ANPEP: variants seen among roughly 807,000 people sequenced by gnomAD.
ANPEP encodes the protein alanyl aminopeptidase, membrane.
In ANPEP, 70 loss-of-function variants were observed where a neutral mutation model predicts 114.6. The observed-to-expected ratio is 0.61, with a 90% CI of 0.50 to 0.75. The LOEUF (loss-of-function observed/expected upper bound fraction) is 0.75. Among genes scored for constraint, ANPEP ranks in the 30% least tolerant of loss-of-function variants. The pLI is 0.00. For synonymous variants in ANPEP, 548 were observed against 522.3 expected, an observed-to-expected ratio of 1.05 and a Z score of -0.67; for missense variants, 1,184 against 1,259.5, an observed-to-expected ratio of 0.94 and a Z score of 0.91.
At chr15:89,794,084 G>A (rs562756143) in intron 15 of ANPEP, among the ~76,000 whole-genome samples, 1 of 152,218 alleles carries the variant, frequency 6.6e-6, no homozygotes. Flanking sequence ...GCTGGGACGC[G>A]CAGAAAGGGA....
Position 89,791,107 on chromosome 15 carries a change from A to G in ANPEP, c.2529-14T>C. On this transcript the variant is annotated splice_polypyrimidine_tract_variant and intron_variant, in intron 18 of 20. Transcript: ENST00000300060. ...TAGCTCAGGTACCTAAGAGGGCCAGATGCTGTCTCAGCTACTGCTAATTCA... is the reference window on the plus strand; with the variant it reads ...TAGCTCAGGTACCTAAGAGGGCCAGGTGCTGTCTCAGCTACTGCTAATTCA... The G allele has an allele frequency of 1.9e-6, 3 of 1,613,584 alleles. No individual in the cohort carries two copies. The highest frequency in any genetic ancestry group is 2.5e-6 in the Non-Finnish European group (3 of 1,179,590).
At position 89,792,441 on chromosome 15, in the gene ANPEP, G is replaced by A; in HGVS notation, c.2360+11C>T. 2 of 1,613,816 alleles carry A rather than the reference G, an allele frequency of 1.2e-6. No individual in the cohort carries two copies. The highest frequency in any genetic ancestry group is 2.2e-5 in the South Asian group (2 of 91,082). On this transcript the variant is annotated intron_variant, in intron 17 of 20. Transcript: ENST00000300060. Reference sequence around the variant, plus strand: ...GAAGACTGGCAGAGGAGGCGCAGGGGAGACACTCACGGGTTATTATTGGGG... The same window carrying A: ...GAAGACTGGCAGAGGAGGCGCAGGGAAGACACTCACGGGTTATTATTGGGG...
At position 89,806,046 on chromosome 15, in the gene ANPEP, T is replaced by C. The variant is rs774971029; in HGVS notation, c.538A>G (p.Ser180Gly). ...LVKDSQYEMD[S>G]EFEGELADDL... Reference sequence around the variant, plus strand: ...TCTGCCAACTCCCCCTCGAACTCGCTGTCCATCTCATACTGGCTGTCCTTC... The same window carrying C: ...TCTGCCAACTCCCCCTCGAACTCGCCGTCCATCTCATACTGGCTGTCCTTC... The change falls in exon 2 of 21, where the codon AGC becomes GGC. Residue 180 changes from serine (S) to glycine (G), a missense_variant. Ser to Gly is a moderately conservative substitution (Grantham distance 56). Transcript: ENST00000300060. The surrounding 1 kb of genome is among the most constrained non-coding windows in gnomAD (Gnocchi z 5.7). 1.9e-6 allele frequency: 3 copies of C among 1,612,764 alleles called. No homozygotes were observed. The highest frequency in any genetic ancestry group is 2.2e-5 in the East Asian group (1 of 44,836).
chr15:89,803,133 C>T lies in ANPEP; in HGVS notation c.1569+106G>A. On this transcript the variant is annotated intron_variant, in intron 10 of 20. Coordinates refer to ENST00000300060, the MANE Select transcript of ANPEP (RefSeq NM_001150.3). The surrounding 1 kb of genome is among the most constrained non-coding windows in gnomAD (Gnocchi z 4.2). ...GCTCCATCCACCCTGCAGGGCTGGT[C>T]AGCCGCGGAGCTGGACCCATTCTCT... 7.7e-7 allele frequency: 1 copy of T among 1,304,330 alleles called. No homozygotes were observed. Among genetic ancestry groups the T allele is most frequent in the Non-Finnish European group, 1.1e-6 (1 of 904,244 alleles). The allele number at this position is 1,304,330 out of a possible 1,614,324, so 80.8% of individuals were successfully genotyped here.
chr15:89,790,988 G>A lies in ANPEP; in HGVS notation c.2634C>T (p.Asp878=). The change falls in exon 19 of 21, where the codon GAC becomes GAT. Residue 878 remains aspartate (D), a synonymous_variant. Transcript: ENST00000300060. The part of the protein sequence containing the change: ...NNVIGQGLVW[D]FVQSNWKKLF... ...GCTTCTTCCAGTTGCTCTGGACAAA[G>A]TCCCAGACCAGACCTTGCCCAATGA... 1 of 1,614,226 alleles carries A rather than the reference G, an allele frequency of 6.2e-7. No individual in the cohort carries two copies. The highest frequency in any genetic ancestry group is 8.5e-7 in the Non-Finnish European group (1 of 1,180,034).
chr15:89,804,071 TC>T, intron 6 of ANPEP, 69 bp from the exon 7 acceptor site: 1 of 1,574,492 alleles, frequency 6.4e-7, no homozygotes, highest in Non-Finnish European at 8.7e-7. Flanking sequence ...AGAACTACCC[TC>T]CCCAGGGCTG....
intron 1 of ANPEP, among the ~76,000 whole-genome samples, chr15:89,812,466 A>C (rs754959151): frequency 6.6e-6 from 1 of 152,156 alleles, no homozygotes; most frequent in Non-Finnish European, 1.5e-5. Context: ...GGAGCCTTGG[A>C]CATTGCCCCT....
At chr15:89,808,743 G>A (rs1374519757) in intron 1 of ANPEP, among the ~76,000 whole-genome samples, 3 of 152,264 alleles carry the variant, frequency 2.0e-5, no homozygotes, top group East Asian at 3.9e-4. Flanking sequence ...TGCTCCCTGA[G>A]GGCCTCACTC....
rs1003754453 is a variant in ANPEP, at chr15:89,806,691, T to C, written c.-108A>G. The C allele has an allele frequency of 6.3e-6, 9 of 1,439,822 alleles. No homozygotes were observed. The highest frequency in any genetic ancestry group is 8.2e-6 in the Non-Finnish European group (9 of 1,097,292). The allele number at this position is 1,439,822 out of a possible 1,614,324, so 89.2% of individuals were successfully genotyped here. On this transcript the variant is annotated 5_prime_UTR_variant, in exon 2 of 21. Transcript: ENST00000300060. This position sits in a 1 kb window ranked among gnomAD's most constrained non-coding sequence, Gnocchi z 5.7. Reference sequence around the variant, plus strand: ...GGGAGGAGCCCCACAACAGGCAGACTGGGCAAAAATTAACCAGGGCTCCAA... The same window carrying C: ...GGGAGGAGCCCCACAACAGGCAGACCGGGCAAAAATTAACCAGGGCTCCAA...
chr15:89,790,931 G>C (rs1306389688), intron 19 of ANPEP, 22 bp downstream of exon 19: 1 of 1,612,428 alleles, frequency 6.2e-7, no homozygotes, highest in East Asian at 2.2e-5. Context: ...CGCTGTCCCT[G>C]ACACCCATTC....
intron 12 of ANPEP, among the ~76,000 whole-genome samples, chr15:89,800,609 TG>T (rs1894568785): frequency 6.7e-6 from 1 of 149,130 alleles, no homozygotes; most frequent in Non-Finnish European, 1.5e-5. Context: ...TTGCCCAGGC[TG>T]GAGTGCAATG....
At chr15:89,792,913 T>C (rs1968660178) in intron 16 of ANPEP, 122 bp downstream of exon 16, 1 of 865,274 alleles carries the variant, frequency 1.2e-6, no homozygotes, top group African/African-American at 1.7e-5. Flanking sequence ...TGCTCCTGGG[T>C]GGGGGTCTCT....
At chr15:89,796,434 A>G (rs1351969356) in intron 15 of ANPEP, among the ~76,000 whole-genome samples, 1 of 152,148 alleles carries the variant, frequency 6.6e-6, no homozygotes, top group African/African-American at 2.4e-5. Flanking sequence ...TTGAAACTTC[A>G]TTTACCAAAA....
intron 15 of ANPEP, among the ~76,000 whole-genome samples, chr15:89,795,813 G>A (rs1968716695): frequency 6.6e-6 from 1 of 152,160 alleles, no homozygotes; most frequent in Admixed American, 6.5e-5. Context: ...AAAAATCAAA[G>A]AATCCATGGG....
rs1243971490 is a variant in ANPEP, at chr15:89,807,547, A to G, written c.-223-741T>C. On this transcript the variant is annotated intron_variant, in intron 1 of 20. Coordinates refer to ENST00000300060, the MANE Select transcript of ANPEP (RefSeq NM_001150.3). ...AACCCCGTCTCTACTAAAAATACAA[A>G]AAAAATTAGTTGGGCGTGGTGGCGG... Among the ~76,000 whole-genome samples the G allele has an allele frequency of 2.6e-5, 4 of 152,140 alleles. No homozygotes were observed. In the East Asian group the frequency reaches 5.8e-4, roughly 22 times the overall value.
chr15:89,804,892 ATTG>A lies in ANPEP; in HGVS notation c.897+183_897+185del. On this transcript the variant is annotated intron_variant, in intron 4 of 20. Transcript: ENST00000300060. ...GGAACTCCCTTCATGAAGAGAAACC[ATTG>A]TTTTCATTTTTCAGGTGCAGAAATG... 3.2e-6 allele frequency: 3 copies of A among 924,808 alleles called. No homozygotes were observed. In the South Asian group the frequency reaches 5.1e-5, roughly 16 times the overall value. 57.3% of individuals were successfully genotyped at this position (924,808 alleles called of 1,614,324 possible).
chr15:89,795,644 G>T (rs1387655651), intron 15 of ANPEP, among the ~76,000 whole-genome samples: 1 of 152,192 alleles, frequency 6.6e-6, no homozygotes, highest in Non-Finnish European at 1.5e-5. Flanking sequence ...AACATTCAGA[G>T]AAATAATTTC....
rs771412086 is a variant in ANPEP, at chr15:89,804,594, A to C, written c.921T>G (p.Ser307Arg). Reference sequence around the variant, plus strand: ...AATCGCCGTGGCCCGCCGCAATGGCACTGGGCCGGGCCCAGATCCGGATCT... The same window carrying C: ...AATCGCCGTGGCCCGCCGCAATGGCCCTGGGCCGGGCCCAGATCCGGATCT... ...GVLIRIWARP[S>R]AIAAGHGDYA... is the part of the protein sequence containing the mutation. Residue 307 changes from serine to arginine, a missense_variant, in exon 5 of 21, where the codon AGT becomes AGG. Physicochemically the swap from Ser to Arg is moderately radical, Grantham distance 110. Coordinates refer to ENST00000300060, the MANE Select transcript of ANPEP (RefSeq NM_001150.3). The C allele has an allele frequency of 5.0e-6, 8 of 1,613,882 alleles. No homozygotes were observed. Among genetic ancestry groups the C allele is most frequent in the African/African-American group, 1.3e-5 (1 of 74,920 alleles).
intron 20 of ANPEP, among the ~76,000 whole-genome samples, chr15:89,789,650 G>T (rs763233336): frequency 1.3e-5 from 2 of 151,594 alleles, no homozygotes; most frequent in African/African-American, 2.4e-5. Flanking sequence ...GCGCATGCCT[G>T]TAATCCCAGC....
Sources: allele counts gnomAD v4.1 joint callset (sites outside exome capture counted in the v4.1 genomes callset), GRCh38; gene constraint gnomAD v4.1.1; non-coding constraint Gnocchi (gnomAD v3.1); transcripts MANE v1.5; gene names NCBI Gene and HGNC (gene_info 2026-07-23, HGNC 2026-07-21).